The following DCC variants were observed in gnomAD, a reference collection of about 807,000 sequenced individuals.
The protein encoded by DCC is DCC netrin 1 receptor.
Under a neutral mutation model 172.5 loss-of-function variants are expected in DCC, and 58 were observed. The ratio of observed to expected loss-of-function variants is 0.34; its 90% CI spans 0.27 to 0.42. The LOEUF (loss-of-function observed/expected upper bound fraction) is 0.42, where lower values mean the gene tolerates loss of function less well. Among genes scored for constraint, DCC ranks in the 10% least tolerant of loss-of-function variants. The pLI is 1.00. For missense variants in DCC, 1,740 were observed against 1,791.0 expected, an observed-to-expected ratio of 0.97 and a Z score of 0.51; for synonymous variants, 709 against 644.5, an observed-to-expected ratio of 1.10 and a Z score of -1.52.
intron 1 of DCC, among the ~76,000 whole-genome samples, chr18:52,372,645 T>G (rs1985172384): frequency 6.6e-6 from 1 of 152,208 alleles, no homozygotes. Flanking sequence ...AAACCATGCA[T>G]TTGTATGATT....
intron 7 of DCC, among the ~76,000 whole-genome samples, chr18:53,105,198 G>C (rs1413846442): frequency 6.6e-6 from 1 of 152,018 alleles, no homozygotes; most frequent in East Asian, 1.9e-4. Context: ...TCTTTCTGGT[G>C]CTATTTCTTG....
intron 11 of DCC, among the ~76,000 whole-genome samples, chr18:53,215,345 G>A (rs1196925410): frequency 7.0e-6 from 1 of 143,426 alleles, no homozygotes; most frequent in Non-Finnish European, 1.6e-5. Context: ...AAGTTAACTG[G>A]CTAGCGAAAT....
At position 53,016,807 on chromosome 18, in the gene DCC, G is replaced by A. The variant is rs139014962; in HGVS notation, c.986-46498G>A. On this transcript the variant is annotated intron_variant, in intron 5 of 28. Transcript: ENST00000442544. ...TATTTGTTTTCAAAAGATTTTTTAC[G>A]TCTGCCCTTTAATGTTTACAGCTTA... Among the ~76,000 whole-genome samples the A allele has an allele frequency of 3.0e-4, 45 of 152,128 alleles. No homozygotes were observed. The East Asian group carries it at 7.0e-3, about 24-fold the overall frequency.
chr18:53,348,812 C>T (rs1457017665), intron 15 of DCC, among the ~76,000 whole-genome samples: 1 of 152,160 alleles, frequency 6.6e-6, no homozygotes, highest in Non-Finnish European at 1.5e-5. Context: ...GAACACAAGG[C>T]ACCAAGTCCC....
chr18:52,662,092 T>C (rs1454710284), intron 1 of DCC, among the ~76,000 whole-genome samples: 1 of 152,222 alleles, frequency 6.6e-6, no homozygotes, highest in African/African-American at 2.4e-5. Context: ...AGTGATTCTC[T>C]AAATTTCCTT....
At chr18:52,873,477 G>GATT (rs1324713864) in intron 2 of DCC, among the ~76,000 whole-genome samples, 1 of 152,174 alleles carries the variant, frequency 6.6e-6, no homozygotes, top group Non-Finnish European at 1.5e-5. Context: ...ATTCAACTTG[G>GATT]ATTATAGCTT....
At chr18:53,129,724 C>A (rs950573545) in intron 7 of DCC, among the ~76,000 whole-genome samples, 2 of 152,086 alleles carry the variant, frequency 1.3e-5, no homozygotes, top group African/African-American at 4.8e-5. Context: ...TATTTATCTA[C>A]TATCTACTAT....
intron 7 of DCC, among the ~76,000 whole-genome samples, chr18:53,066,397 A>ATG (rs201223949): frequency 2.0e-5 from 2 of 100,704 alleles, no homozygotes; most frequent in Non-Finnish European, 4.3e-5. Flanking sequence ...ATATATATAT[A>ATG]TGTGCATGTG....
intron 5 of DCC, among the ~76,000 whole-genome samples, chr18:53,043,584 G>A (rs1599060941): frequency 6.6e-6 from 1 of 151,784 alleles, no homozygotes; most frequent in African/African-American, 2.4e-5. Context: ...CAATTAAATT[G>A]CCCTTTTAAA....
chr18:53,240,036 A>AC (rs1305070262), intron 12 of DCC, among the ~76,000 whole-genome samples: 11 of 139,604 alleles, frequency 7.9e-5, no homozygotes, highest in South Asian at 5.3e-4. Flanking sequence ...TAAAAAAAAA[A>AC]AAAAAAAAAA....
At chr18:52,638,824 A>G (rs2034834453) in intron 1 of DCC, among the ~76,000 whole-genome samples, 1 of 152,158 alleles carries the variant, frequency 6.6e-6, no homozygotes, top group South Asian at 2.1e-4. Flanking sequence ...CAAAGAAACA[A>G]TGGATTTAAA....
intron 9 of DCC, among the ~76,000 whole-genome samples, chr18:53,183,383 A>G (rs1192359549): frequency 1.3e-5 from 2 of 152,138 alleles, no homozygotes; most frequent in Non-Finnish European, 2.9e-5. Context: ...CCTTTATGGT[A>G]TGTAATTTCT....
At chr18:52,929,619 C>T (rs1359378782) in intron 5 of DCC, among the ~76,000 whole-genome samples, 1 of 152,040 alleles carries the variant, frequency 6.6e-6, no homozygotes, top group Non-Finnish European at 1.5e-5. Context: ...TACTCAATAT[C>T]GGGTATTGCT....
At chr18:52,591,920 G>C (rs915700659) in intron 1 of DCC, among the ~76,000 whole-genome samples, 3 of 151,674 alleles carry the variant, frequency 2.0e-5, no homozygotes, top group African/African-American at 7.3e-5. Context: ...AAAGGTCCAG[G>C]ATTACCGGTG....
At chr18:52,584,955 T>A (rs1328378058) in intron 1 of DCC, among the ~76,000 whole-genome samples, 1 of 152,242 alleles carries the variant, frequency 6.6e-6, no homozygotes, top group Non-Finnish European at 1.5e-5. Flanking sequence ...TTGCACTTAG[T>A]ACCAGAACAC....
intron 2 of DCC, among the ~76,000 whole-genome samples, chr18:52,762,842 A>G (rs1224826806): frequency 2.0e-5 from 3 of 152,176 alleles, no homozygotes; most frequent in African/African-American, 4.8e-5. Flanking sequence ...ATGGTCATAT[A>G]TGTGGGATAT....
At chr18:53,338,430 C>T (rs1056483037) in intron 14 of DCC, among the ~76,000 whole-genome samples, 1 of 152,058 alleles carries the variant, frequency 6.6e-6, no homozygotes, top group Non-Finnish European at 1.5e-5. Flanking sequence ...GGTGAAACCC[C>T]GTCTCTACTA....
chr18:52,949,134 A>G (rs1156745611), intron 5 of DCC, among the ~76,000 whole-genome samples: 1 of 152,216 alleles, frequency 6.6e-6, no homozygotes, highest in Non-Finnish European at 1.5e-5. Context: ...TGCACAAGTC[A>G]TATCATTGCT....
intron 1 of DCC, among the ~76,000 whole-genome samples, chr18:52,547,012 C>G (rs1332737565): frequency 1.3e-5 from 2 of 152,120 alleles, no homozygotes; most frequent in Non-Finnish European, 2.9e-5. Context: ...CGTCTGGAGT[C>G]AGGGGATTTG....
Sources: gnomAD v4.1 joint callset for allele counts (sites outside exome capture counted in the v4.1 genomes callset) on GRCh38, gnomAD v4.1.1 for gene constraint, MANE v1.5 for transcripts, NCBI Gene and HGNC (gene_info 2026-07-23, HGNC 2026-07-21) for gene names.